The following ALB variants were observed in gnomAD, a reference collection of about 807,000 sequenced individuals.
ALB encodes the protein serum albumin.
Under a neutral mutation model 74.5 loss-of-function variants are expected in ALB, and 37 were observed. The observed-to-expected ratio is 0.50, with a 90% confidence interval of 0.38 to 0.65. ALB has a LOEUF of 0.65. Among genes scored for constraint, ALB ranks in the 30% least tolerant of loss-of-function variants. ALB has a pLI of 0.00. For synonymous variants in ALB, 249 were observed against 251.6 expected (o/e 0.99, Z 0.10); for missense variants, 685 against 718.7 (o/e 0.95, Z 0.54).
At chr4:73,417,701 A>C (rs1397153293) in intron 11 of ALB, 32 bp downstream of exon 11, 1 of 1,499,704 alleles carries the variant, frequency 6.7e-7, no homozygotes, top group Non-Finnish European at 8.9e-7. Flanking sequence ...ATAAATTAAT[A>C]ATGAAAAAAT....
rs759546953 is a variant in ALB at position 73,409,379 on chromosome 4, A to G, written c.507A>G (p.Arg169=). Reference sequence around the variant, plus strand: ...GATACTTATATGAAATTGCCAGAAGACATCCTTACTTTTATGCCCCGGAAC... The same window carrying G: ...GATACTTATATGAAATTGCCAGAAGGCATCCTTACTTTTATGCCCCGGAAC... ...LKKYLYEIAR[R]HPYFYAPELL... is the part of the protein sequence containing the mutation. The change falls in exon 5 of 15, where the codon AGA becomes AGG. Residue 169 remains arginine, a synonymous_variant. Transcript: ENST00000295897. 6.2e-7 allele frequency: 1 copy of G among 1,613,922 alleles called. No individual in the cohort carries two copies. The highest frequency in any genetic ancestry group is 1.1e-5 in the South Asian group (1 of 91,056).
intron 1 of ALB, 69 bp from the exon 2 acceptor site, chr4:73,405,047 A>G: frequency 6.9e-7 from 1 of 1,445,468 alleles, no homozygotes; most frequent in Non-Finnish European, 9.7e-7. Context: ...AAAGAAATAT[A>G]AAAAGTAACA....
chr4:73,420,145 G>A, intron 13 of ALB, 109 bp from the exon 14 acceptor site: 1 of 931,204 alleles, frequency 1.1e-6, no homozygotes, highest in Admixed American at 2.0e-5. Context: ...TAAAGGATAT[G>A]ATGCACGTGA....
rs72552710 is a variant in ALB, at chr4:73,413,587, G to T, written c.1011G>T (p.Lys337Asn). The T allele has an allele frequency of 8.6e-5, 138 of 1,614,024 alleles. No homozygotes were observed. Among genetic ancestry groups the T allele is most frequent in the Non-Finnish European group, 1.0e-4 (122 of 1,180,018 alleles). The change falls in exon 8 of 15, where the codon AAG becomes AAT. Residue 337 changes from lysine to asparagine, a missense_variant. Lys to Asn is a moderately conservative substitution (Grantham distance 94). Transcript: ENST00000295897. ...TAGCTGCTGATTTTGTTGAAAGTAAGGATGTTTGCAAAAACTATGCTGAGG... is the reference window on the plus strand; with the variant it reads ...TAGCTGCTGATTTTGTTGAAAGTAATGATGTTTGCAAAAACTATGCTGAGG... ...PSLAADFVES[K>N]DVCKNYAEAK...
At chr4:73,417,691 ATAAAT>A (rs1298131980) in intron 11 of ALB, 22 bp downstream of exon 11, 3 of 1,522,642 alleles carry the variant, frequency 2.0e-6, no homozygotes, top group Admixed American at 4.2e-5. Flanking sequence ...AAAAAATATA[ATAAAT>A]TAATAATGAA....
chr4:73,406,666 C>T lies in ALB; in HGVS notation c.175C>T (p.Pro59Ser). 6.2e-7 allele frequency: 1 copy of T among 1,613,662 alleles called. No individual in the cohort carries two copies. The highest frequency in any genetic ancestry group is 8.5e-7 in the Non-Finnish European group (1 of 1,179,804). Residue 59 changes from proline to serine, a missense_variant, in exon 3 of 15, where the codon CCA becomes TCA. Physicochemically the swap from Pro to Ser is moderately conservative, Grantham distance 74 (BLOSUM62 -1). Coordinates refer to ENST00000295897, the MANE Select transcript of ALB (RefSeq NM_000477.7). Reference protein sequence around the residue: ...IAFAQYLQQCPFEDHVKLVNE... With the variant: ...IAFAQYLQQCSFEDHVKLVNE... Reference sequence around the variant, plus strand: ...CTTTGCTCAGTATCTTCAGCAGTGTCCATTTGAAGATCATGTAAAATTAGT... The same window carrying T: ...CTTTGCTCAGTATCTTCAGCAGTGTTCATTTGAAGATCATGTAAAATTAGT...
chr4:73,406,055 A>G (rs1718718409), intron 2 of ALB, among the ~76,000 whole-genome samples: 1 of 152,102 alleles, frequency 6.6e-6, no homozygotes, highest in Non-Finnish European at 1.5e-5. Context: ...TGAGCCCAGG[A>G]GTTCAAGACC....
intron 13 of ALB, 47 bp downstream of exon 13, chr4:73,419,686 A>G (rs2149330024): frequency 1.2e-6 from 2 of 1,608,348 alleles, no homozygotes; most frequent in Non-Finnish European, 1.7e-6. Flanking sequence ...TCATTTTTGC[A>G]TGTTTGGTTA....
intron 7 of ALB, among the ~76,000 whole-genome samples, chr4:73,412,445 A>T (rs1718903032): frequency 6.6e-6 from 1 of 151,584 alleles, no homozygotes; most frequent in East Asian, 1.9e-4. Flanking sequence ...GTCTAAGAAG[A>T]TTTTTTTTTC....
chr4:73,419,372 C>T, intron 12 of ALB, 135 bp from the exon 13 acceptor site: 1 of 945,504 alleles, frequency 1.1e-6, no homozygotes, highest in African/African-American at 1.7e-5. Context: ...GCCTGAGCCC[C>T]AAAGTACTCA....
chr4:73,415,023 C>A lies in ALB; in HGVS notation c.1059-12C>A. 6.2e-7 allele frequency: 1 copy of A among 1,613,552 alleles called. No homozygotes were observed. Among genetic ancestry groups the A allele is most frequent in the Non-Finnish European group, 8.5e-7 (1 of 1,179,622 alleles). On this transcript the variant is annotated splice_polypyrimidine_tract_variant and intron_variant, in intron 8 of 14. Coordinates refer to ENST00000295897, the MANE Select transcript of ALB (RefSeq NM_000477.7). ...TGTCCAACAAAGTCTATTTTATTTTCATCTTAATTAGGTTTTTGTATGAAT... is the reference window on the plus strand; with the variant it reads ...TGTCCAACAAAGTCTATTTTATTTTAATCTTAATTAGGTTTTTGTATGAAT...
rs1459728978 is a variant in ALB, at chr4:73,404,885, A to C, written c.80-231A>C. The stretch of plus-strand genomic sequence containing the variant: ...ATTATCTAAGTTTGAATATAAGGCT[A>C]TAAATATTTAATAATTTTTAAAATA... On this transcript the variant is annotated intron_variant, in intron 1 of 14. Transcript: ENST00000295897. The C allele has an allele frequency of 3.8e-6, 2 of 522,732 alleles. 1 individual carries two copies. Among genetic ancestry groups the C allele is most frequent in the Non-Finnish European group, 6.8e-6 (2 of 295,106 alleles). The allele number at this position is 522,732 out of a possible 1,614,324, so 32.4% of individuals were successfully genotyped here.
intron 1 of ALB, 63 bp from the exon 2 acceptor site, chr4:73,405,049 AAAGT>A: frequency 6.9e-6 from 10 of 1,439,074 alleles, no homozygotes; most frequent in Non-Finnish European, 9.8e-6. Context: ...AGAAATATAA[AAAGT>A]AACATTATTA....
Position 73,405,189 on chromosome 4 carries a change from G to T in ALB, c.137+16G>T. On this transcript the variant is annotated intron_variant, in intron 2 of 14. Transcript: ENST00000295897. ...TCAAAGCCTTGTAAGTTAAAATATT[G>T]ATGAATCAAATTTAATGTTTCTAAT... 2 of 1,580,960 alleles carry T rather than the reference G, an allele frequency of 1.3e-6. No homozygotes were observed. The highest frequency in any genetic ancestry group is 2.2e-5 in the South Asian group (2 of 90,314).
In ALB at chr4:73,416,362, T is replaced by A; in HGVS notation, c.1289+9T>A. 6.3e-7 allele frequency: 1 copy of A among 1,596,602 alleles called. No homozygotes were observed. Among genetic ancestry groups the A allele is most frequent in the Non-Finnish European group, 8.6e-7 (1 of 1,167,356 alleles). ...TACAAATTCCAGAATGCGTAAGTAA[T>A]TTTTATTGACTGATTTTTTTTATCA... On this transcript the variant is annotated intron_variant, in intron 10 of 14. Transcript: ENST00000295897.
intron 12 of ALB, 135 bp downstream of exon 12, chr4:73,418,446 G>C: frequency 1.3e-6 from 1 of 773,266 alleles, no homozygotes; most frequent in South Asian, 1.5e-5. Flanking sequence ...TTATTATGCT[G>C]ATAAGAGTAC....
intron 11 of ALB, 187 bp from the exon 12 acceptor site, chr4:73,417,901 T>G (rs1188000869): frequency 1.4e-6 from 1 of 709,412 alleles, no homozygotes; most frequent in Non-Finnish European, 2.4e-6. Context: ...CAGGCTGGAG[T>G]GCAGTGGTGC....
intron 8 of ALB, among the ~76,000 whole-genome samples, chr4:73,414,311 T>C (rs1207102307): frequency 6.6e-6 from 1 of 152,232 alleles, no homozygotes; most frequent in Non-Finnish European, 1.5e-5. Context: ...TCTGCCCATC[T>C]ATTTATCAGA....
At position 73,406,052 on chromosome 4, in the gene ALB, A is replaced by T. The variant is rs1718718336; in HGVS notation, c.138-577A>T. On this transcript the variant is annotated intron_variant, in intron 2 of 14. Coordinates refer to ENST00000295897, the MANE Select transcript of ALB (RefSeq NM_000477.7). ...TGATGCAGGAGGATTGCTTGAGCCC[A>T]GGAGTTCAAGACCAGCCTGGGCAAG... is the stretch of plus-strand genomic sequence containing the variant. Among the ~76,000 whole-genome samples, 4 of 152,240 alleles carry T rather than the reference A, an allele frequency of 2.6e-5. No homozygotes were observed. The South Asian group carries it at 8.3e-4, about 32-fold the overall frequency.
Sources: gnomAD v4.1 joint callset for allele counts (sites outside exome capture counted in the v4.1 genomes callset) on GRCh38, gnomAD v4.1.1 for gene constraint, MANE v1.5 for transcripts, NCBI Gene and HGNC (gene_info 2026-07-23, HGNC 2026-07-21) for gene names.